Variants in MKRN1 observed in about 807,000 individuals in gnomAD.
The protein encoded by MKRN1 is E3 ubiquitin-protein ligase makorin-1.
MKRN1 carries 9 observed loss-of-function variants against 55.5 expected under a neutral mutation model. That is an observed-to-expected ratio of 0.16 (90% CI 0.10 to 0.28). The LOEUF (loss-of-function observed/expected upper bound fraction) is 0.28, where lower values mean the gene tolerates loss of function less well. Ranked by LOEUF, MKRN1 falls within the 10% of genes least tolerant of loss-of-function variation. The pLI is 1.00. For missense variants in MKRN1, 488 were observed against 626.7 expected (o/e 0.78, Z 2.36); for synonymous variants, 253 against 235.9 (o/e 1.07, Z -0.66).
intron 2 of MKRN1, among the ~76,000 whole-genome samples, chr7:140,466,349 G>A (rs1023602250): frequency 2.0e-5 from 3 of 152,096 alleles, no homozygotes; most frequent in Non-Finnish European, 4.4e-5. Flanking sequence ...TAGAAAAGAG[G>A]CAGCTACATC....
intron 1 of MKRN1, among the ~76,000 whole-genome samples, chr7:140,474,107 A>G (rs1795045208): frequency 6.6e-6 from 1 of 151,976 alleles, no homozygotes; most frequent in Admixed American, 6.6e-5. Context: ...CACACCTACA[A>G]TCCCAGCACT....
intron 2 of MKRN1, among the ~76,000 whole-genome samples, chr7:140,469,741 C>T (rs1298894901): frequency 1.3e-5 from 2 of 151,882 alleles, no homozygotes; most frequent in Non-Finnish European, 2.9e-5. Context: ...AGTGAAACCC[C>T]GTCTCTACTA....
In MKRN1 at chr7:140,455,815, T is replaced by C. The variant is rs1794450412; in HGVS notation, c.1072A>G (p.Ile358Val). The change falls in exon 6 of 8, where the codon ATT becomes GTT. Residue 358 changes from isoleucine to valine, a missense_variant. Ile to Val is a conservative substitution (Grantham distance 29, BLOSUM62 3). This residue lies in a region of MKRN1 where 278 missense variants were observed against 406.7 expected (regional missense o/e 0.68). Transcript: ENST00000255977. Reference sequence around the variant, plus strand: ...CTCATTGCCTCCTTGTATTTCAGAATGAGTTTCTGCTTCTCTTCTTTCTCC... The same window carrying C: ...CTCATTGCCTCCTTGTATTTCAGAACGAGTTTCTGCTTCTCTTCTTTCTCC... ...VEEKEEKQKLILKYKEAMSNK... is the reference protein window; with the variant it reads ...VEEKEEKQKLVLKYKEAMSNK... 1 of 1,613,574 alleles carries C rather than the reference T, an allele frequency of 6.2e-7. No individual in the cohort carries two copies. Among genetic ancestry groups the C allele is most frequent in the Non-Finnish European group, 8.5e-7 (1 of 1,179,716 alleles).
chr7:140,465,874 G>A (rs1218123786), intron 2 of MKRN1, among the ~76,000 whole-genome samples: 13 of 152,128 alleles, frequency 8.5e-5, no homozygotes, highest in Non-Finnish European at 8.8e-5. Flanking sequence ...GAGGTCAGAA[G>A]ATCGAGACCA....
At chr7:140,471,383 A>C (rs113270948) in intron 2 of MKRN1, among the ~76,000 whole-genome samples, 1 of 152,154 alleles carries the variant, frequency 6.6e-6, no homozygotes, top group South Asian at 2.1e-4. Flanking sequence ...TCTCAAAAAA[A>C]TAAATAAAAA....
Position 140,454,222 on chromosome 7 carries a change from C to T in MKRN1, c.*295G>A, listed in dbSNP as rs143595331. ...TGAGTGTGTGAAAAGTCCATAAATG[C>T]AATCTGGTTGAAAACAGATGACGCA... On this transcript the variant is annotated 3_prime_UTR_variant, in exon 8 of 8. Coordinates refer to ENST00000255977, the MANE Select transcript of MKRN1 (RefSeq NM_013446.4). 3.3e-5 allele frequency: 13 copies of T among 393,324 alleles called. No individual in the cohort carries two copies. The East Asian group carries it at 7.0e-4, about 21-fold the overall frequency. 24.4% of individuals were successfully genotyped at this position (393,324 alleles called of 1,614,324 possible). A position where few individuals can be genotyped will look rare whatever the true frequency, so the allele number is the denominator to read the frequency against.
At position 140,479,408 on chromosome 7, in the gene MKRN1, G is replaced by T; in HGVS notation, c.-64C>A. 1.6e-6 allele frequency: 2 copies of T among 1,256,810 alleles called. No homozygotes were observed. The allele number at this position is 1,256,810 out of a possible 1,614,324, so 77.9% of individuals were successfully genotyped here. ...GGGATCACATAGTTCCGGTCCGGCT[G>T]CGGGGAGAGGACGGCGAGGCCAGGC... On this transcript the variant is annotated 5_prime_UTR_variant, in exon 1 of 8. Coordinates refer to ENST00000255977, the MANE Select transcript of MKRN1 (RefSeq NM_013446.4).
chr7:140,473,503 A>G (rs1794996464), intron 1 of MKRN1, among the ~76,000 whole-genome samples: 1 of 152,214 alleles, frequency 6.6e-6, no homozygotes, highest in Non-Finnish European at 1.5e-5. Flanking sequence ...CAACCTCTTT[A>G]GGAATTTCTA....
At chr7:140,475,078 A>C (rs180914251) in intron 1 of MKRN1, 19 of 280,284 alleles carry the variant, frequency 6.8e-5, no homozygotes, top group African/African-American at 3.5e-4. Context: ...ACGGGGGCTC[A>C]TGCCTGTAAT....
chr7:140,456,031 T>C (rs1794456852), intron 5 of MKRN1, 131 bp from the exon 6 acceptor site: 1 of 1,006,248 alleles, frequency 9.9e-7, no homozygotes, highest in Non-Finnish European at 1.5e-6. Flanking sequence ...CCTGAAAGGG[T>C]TCCACATACT....
intron 1 of MKRN1, chr7:140,472,231 TC>T: frequency 1.9e-6 from 1 of 524,684 alleles, no homozygotes; most frequent in Admixed American, 3.3e-5. Flanking sequence ...GACCAGCGGT[TC>T]GAGACCAGCC....
chr7:140,464,262 A>G (rs754399214), intron 2 of MKRN1, among the ~76,000 whole-genome samples: 76 of 152,224 alleles, frequency 5.0e-4, no homozygotes, highest in Admixed American at 1.4e-3. Context: ...CTTGGAGCCA[A>G]GCTTCATGGC....
chr7:140,468,479 T>A (rs181439485), intron 2 of MKRN1, among the ~76,000 whole-genome samples: 1 of 151,484 alleles, frequency 6.6e-6, no homozygotes, highest in Admixed American at 6.6e-5. Flanking sequence ...GGCAGGTGGA[T>A]CACCTGAGGT....
chr7:140,459,695 C>A lies in MKRN1; in HGVS notation c.544+12G>T. 6.2e-7 allele frequency: 1 copy of A among 1,611,436 alleles called. No individual in the cohort carries two copies. Among genetic ancestry groups the A allele is most frequent in the Non-Finnish European group, 8.5e-7 (1 of 1,177,608 alleles). ...GCCCTCTAACTCTTATTTTCTTCTT[C>A]AGAATACTTACTACGGCCACAGTAG... On this transcript the variant is annotated intron_variant, in intron 3 of 7. Coordinates refer to ENST00000255977, the MANE Select transcript of MKRN1 (RefSeq NM_013446.4).
intron 2 of MKRN1, among the ~76,000 whole-genome samples, chr7:140,462,552 T>C (rs1794653852): frequency 6.6e-6 from 1 of 152,192 alleles, no homozygotes; most frequent in East Asian, 1.9e-4. Context: ...ATCATTGTTA[T>C]TATTACCTCA....
At chr7:140,470,228 A>T (rs1447339671) in intron 2 of MKRN1, among the ~76,000 whole-genome samples, 1 of 150,904 alleles carries the variant, frequency 6.6e-6, no homozygotes, top group Non-Finnish European at 1.5e-5. Flanking sequence ...TTGAAAAAAA[A>T]AAAAGGCCAA....
chr7:140,473,992 CA>C (rs750043239), intron 1 of MKRN1, among the ~76,000 whole-genome samples: 481 of 15,156 alleles, frequency 0.032, 5 homozygotes, highest in African/African-American at 0.041. Flanking sequence ...AACTCCGTCT[CA>C]AAAAAAAAAA....
At chr7:140,460,479 T>G (rs2130272122) in intron 2 of MKRN1, among the ~76,000 whole-genome samples, 1 of 151,576 alleles carries the variant, frequency 6.6e-6, no homozygotes, top group Admixed American at 6.6e-5. Context: ...CTGGCTAAGT[T>G]TTGTATCTTT....
At chr7:140,457,366 G>A (rs1794498684) in intron 4 of MKRN1, among the ~76,000 whole-genome samples, 1 of 152,110 alleles carries the variant, frequency 6.6e-6, no homozygotes, top group South Asian at 2.1e-4. Context: ...CCACTTTGGG[G>A]CTATTATAAA....
Sources: gnomAD v4.1 joint callset for allele counts (sites outside exome capture counted in the v4.1 genomes callset) on GRCh38, gnomAD v4.1.1 for gene constraint, gnomAD v4.1.1 regional missense constraint, MANE v1.5 for transcripts, NCBI Gene and HGNC (gene_info 2026-07-23, HGNC 2026-07-21) for gene names.